GLI3: variants seen among roughly 807,000 people sequenced by gnomAD.
GLI3 encodes transcription activator GLI3.
A neutral mutation model predicts 100.8 loss-of-function variants in GLI3; 20 were observed. The ratio of observed to expected loss-of-function variants is 0.20; its 90% CI spans 0.14 to 0.29. The LOEUF is 0.29. GLI3 is among the 10% of genes least tolerant of loss of function. GLI3 has a pLI of 1.00. For synonymous variants in GLI3, 938 were observed against 860.5 expected, an observed-to-expected ratio of 1.09 and a Z score of -1.58; for missense variants, 2,040 against 2,128.5, an observed-to-expected ratio of 0.96 and a Z score of 0.82.
At chr7:42,055,044 T>TATATGTATATATAC in intron 4 of GLI3, among the ~76,000 whole-genome samples, 2 of 134,800 alleles carry the variant, frequency 1.5e-5, no homozygotes, top group Non-Finnish European at 3.2e-5. Context: ...TGTATACATA[T>TATATGTATATATAC]ATATATACAC....
At chr7:42,179,875 G>A (rs894800795) in intron 2 of GLI3, among the ~76,000 whole-genome samples, 1 of 152,088 alleles carries the variant, frequency 6.6e-6, no homozygotes, top group Admixed American at 6.5e-5. Context: ...AGCTCATTTC[G>A]CCAATGTCAT....
intron 2 of GLI3, among the ~76,000 whole-genome samples, chr7:42,175,817 C>T (rs1787469518): frequency 1.3e-5 from 2 of 152,136 alleles, no homozygotes; most frequent in South Asian, 4.1e-4. Flanking sequence ...GTACAAAACC[C>T]TTTATCTCTT....
chr7:42,210,144 G>A (rs1255825339), intron 2 of GLI3, among the ~76,000 whole-genome samples: 1 of 152,066 alleles, frequency 6.6e-6, no homozygotes, highest in Non-Finnish European at 1.5e-5. Flanking sequence ...GTCGAACATG[G>A]TTCATTTCCC....
intron 10 of GLI3, 143 bp downstream of exon 10, chr7:42,023,325 T>C: frequency 1.2e-6 from 1 of 800,204 alleles, no homozygotes; most frequent in Non-Finnish European, 2.0e-6. Flanking sequence ...CGAGTTTTCT[T>C]TATTCTCAGA....
intron 4 of GLI3, among the ~76,000 whole-genome samples, chr7:42,073,657 G>T (rs1320035927): frequency 6.6e-6 from 1 of 152,146 alleles, no homozygotes; most frequent in Non-Finnish European, 1.5e-5. Context: ...AGAAGCGCCT[G>T]CCCTTCTTCT....
intron 4 of GLI3, among the ~76,000 whole-genome samples, chr7:42,054,215 C>T (rs1307521734): frequency 6.6e-6 from 1 of 152,170 alleles, no homozygotes; most frequent in South Asian, 2.1e-4. Context: ...TTTAACAGTA[C>T]ACCATGAGAA....
At chr7:42,121,952 G>A (rs188972226) in intron 3 of GLI3, among the ~76,000 whole-genome samples, 16 of 152,106 alleles carry the variant, frequency 1.1e-4, no homozygotes, top group Admixed American at 9.8e-4. Flanking sequence ...CAAGTGGAAG[G>A]TTTCTGAGAC....
At chr7:42,187,629 G>C (rs1211512431) in intron 2 of GLI3, among the ~76,000 whole-genome samples, 2 of 152,156 alleles carry the variant, frequency 1.3e-5, no homozygotes, top group African/African-American at 2.4e-5. Flanking sequence ...TATGGAAACA[G>C]CATCTTTGCA....
chr7:42,124,724 A>G (rs1340046553), intron 3 of GLI3, among the ~76,000 whole-genome samples: 1 of 152,236 alleles, frequency 6.6e-6, no homozygotes, highest in East Asian at 1.9e-4. Flanking sequence ...TCAACTAAAA[A>G]TTCAAAGTGT....
At chr7:41,976,574 C>A (rs562293485) in intron 12 of GLI3, among the ~76,000 whole-genome samples, 2 of 152,304 alleles carry the variant, frequency 1.3e-5, no homozygotes, top group South Asian at 4.1e-4. Flanking sequence ...ATGTGTTTGA[C>A]CTGCACTGGT....
At chr7:42,243,508 A>G (rs1788944168) in intron 1 of GLI3, among the ~76,000 whole-genome samples, 2 of 152,294 alleles carry the variant, frequency 1.3e-5, no homozygotes, top group Middle Eastern at 3.4e-3. Flanking sequence ...TTTCTCCATC[A>G]TTACTAGCTT....
chr7:42,242,695 A>G (rs778419503), upstream of GLI3, among the ~76,000 whole-genome samples: 2 of 152,192 alleles, frequency 1.3e-5, no homozygotes, highest in Non-Finnish European at 2.9e-5. Context: ...AGCAGGACCC[A>G]TCTTCCTTAG....
At chr7:42,172,876 C>T (rs1487679883) in intron 2 of GLI3, among the ~76,000 whole-genome samples, 3 of 152,192 alleles carry the variant, frequency 2.0e-5, no homozygotes, top group African/African-American at 4.8e-5. Flanking sequence ...GAAGATTATT[C>T]CACATTTTAC....
chr7:42,216,222 T>C (rs1192394666), intron 2 of GLI3, among the ~76,000 whole-genome samples: 1 of 152,172 alleles, frequency 6.6e-6, no homozygotes, highest in African/African-American at 2.4e-5. Context: ...GTTTATTCAG[T>C]ATCTGCTGAG....
In GLI3 at chr7:41,966,070, G is replaced by T. The variant is rs531260379; in HGVS notation, c.3003C>A (p.Gly1001=). The part of the protein sequence containing the change: ...HLQPHDAPGH[G]VRRASDPVRT... ...GCACCGGGTCGCTGGCCCTCCTCAC[G>T]CCGTGGCCCGGCGCATCGTGCGGCT... The change falls in exon 15 of 15, where the codon GGC becomes GGA. Residue 1001 remains glycine (G), a synonymous_variant. Coordinates refer to ENST00000395925, the MANE Select transcript of GLI3 (RefSeq NM_000168.6). This position sits in a 1 kb window ranked among gnomAD's most constrained non-coding sequence, Gnocchi z 5.8. 6.4e-7 allele frequency: 1 copy of T among 1,574,026 alleles called. No individual in the cohort carries two copies. The highest frequency in any genetic ancestry group is 1.8e-5 in the Admixed American group (1 of 56,458).
chr7:42,022,910 C>T (rs1392512154), intron 10 of GLI3, among the ~76,000 whole-genome samples: 1 of 152,168 alleles, frequency 6.6e-6, no homozygotes, highest in Non-Finnish European at 1.5e-5. Context: ...ACATCCATCA[C>T]TAAATACATT....
At chr7:42,111,581 T>C (rs1785707640) in intron 3 of GLI3, among the ~76,000 whole-genome samples, 1 of 152,202 alleles carries the variant, frequency 6.6e-6, no homozygotes, top group Non-Finnish European at 1.5e-5. Flanking sequence ...TGTCATTTTC[T>C]ATGGGCCAAA....
intron 2 of GLI3, among the ~76,000 whole-genome samples, chr7:42,201,201 G>GAT (rs376512738): frequency 6.7e-6 from 1 of 148,472 alleles, no homozygotes; most frequent in African/African-American, 2.4e-5. Context: ...ATATGAATGT[G>GAT]ATATATCTCT....
intron 1 of GLI3, among the ~76,000 whole-genome samples, chr7:42,259,264 G>GC (rs1236154361): frequency 1.3e-5 from 2 of 152,204 alleles, no homozygotes; most frequent in African/African-American, 4.8e-5. Context: ...AAAGAAGGCA[G>GC]TTCATGAGCC....
Sources: gnomAD v4.1 joint callset for allele counts (sites outside exome capture counted in the v4.1 genomes callset) on GRCh38, gnomAD v4.1.1 for gene constraint, Gnocchi (gnomAD v3.1) non-coding constraint, MANE v1.5 for transcripts, NCBI Gene and HGNC (gene_info 2026-07-23, HGNC 2026-07-21) for gene names.